Variants in PTPRD observed in about 807,000 individuals in gnomAD.
The protein encoded by PTPRD is protein tyrosine phosphatase receptor type D, also known as receptor-type tyrosine-protein phosphatase delta.
In PTPRD, 34 loss-of-function variants were observed where a neutral mutation model predicts 214.5. The ratio of observed to expected loss-of-function variants is 0.16; its 90% confidence interval spans 0.12 to 0.21. The LOEUF (loss-of-function observed/expected upper bound fraction) is 0.21. Among genes scored for constraint, PTPRD ranks in the 10% least tolerant of loss-of-function variants. The pLI is 1.00. For synonymous variants in PTPRD, 1,128 were observed against 845.7 expected, an observed-to-expected ratio of 1.33 and a Z score of -5.79; for missense variants, 2,545 against 2,398.7, an observed-to-expected ratio of 1.06 and a Z score of -1.27.
rs2094500066 is a variant in PTPRD at position 9,470,285 on chromosome 9, G to T, written c.-236-72803C>A. ...TAGATGTTTCTCATATTCACATTTG[G>T]CTGTTTCTGAAACCTACCATCTTCA... On this transcript the variant is annotated intron_variant, in intron 8 of 45. Coordinates refer to ENST00000381196, the MANE Select transcript of PTPRD (RefSeq NM_002839.4). Among the ~76,000 whole-genome samples the T allele has an allele frequency of 2.6e-5, 4 of 152,048 alleles. No homozygotes were observed. In the South Asian group the frequency reaches 8.3e-4, roughly 32 times the overall value.
chr9:9,033,137 T>C (rs887559482), intron 10 of PTPRD, among the ~76,000 whole-genome samples: 3 of 152,166 alleles, frequency 2.0e-5, no homozygotes, highest in African/African-American at 7.2e-5. Context: ...GACCTTCTTT[T>C]CTCATTTGGC....
At chr9:8,681,587 T>C (rs2097550203) in intron 12 of PTPRD, among the ~76,000 whole-genome samples, 1 of 152,108 alleles carries the variant, frequency 6.6e-6, no homozygotes, top group Admixed American at 6.6e-5. Context: ...CTAGACTGCT[T>C]AGGAGAAGCT....
At chr9:9,241,085 C>T (rs967020449) in intron 9 of PTPRD, among the ~76,000 whole-genome samples, 1 of 151,962 alleles carries the variant, frequency 6.6e-6, no homozygotes. Flanking sequence ...ACGTGCTCAT[C>T]GAGATCAAAC....
chr9:8,742,991 GAAC>G (rs1030115186), intron 11 of PTPRD, among the ~76,000 whole-genome samples: 4 of 150,568 alleles, frequency 2.7e-5, no homozygotes, highest in Admixed American at 1.3e-4. Context: ...ATAACACACA[GAAC>G]AACTACCTGC....
intron 3 of PTPRD, among the ~76,000 whole-genome samples, chr9:10,322,051 C>T (rs1208207899): frequency 1.3e-5 from 2 of 151,796 alleles, no homozygotes; most frequent in African/African-American, 4.8e-5. Context: ...AATCAAAAGA[C>T]GGAGTGAGGA....
At chr9:10,185,669 G>T (rs1419110448) in intron 3 of PTPRD, among the ~76,000 whole-genome samples, 1 of 152,078 alleles carries the variant, frequency 6.6e-6, no homozygotes, top group African/African-American at 2.4e-5. Flanking sequence ...TTAAATGTCA[G>T]TTATCTTCTG....
intron 8 of PTPRD, among the ~76,000 whole-genome samples, chr9:9,547,135 C>A (rs1459030202): frequency 2.0e-5 from 3 of 151,992 alleles, no homozygotes; most frequent in African/African-American, 7.2e-5. Flanking sequence ...CAAACTTACA[C>A]AAAAATACTT....
At chr9:9,212,344 CTG>C (rs1378355266) in intron 9 of PTPRD, among the ~76,000 whole-genome samples, 3 of 152,118 alleles carry the variant, frequency 2.0e-5, no homozygotes. Context: ...CCCTAGGCCT[CTG>C]TGATTTTTCC....
intron 3 of PTPRD, among the ~76,000 whole-genome samples, chr9:10,255,733 A>G (rs2093207759): frequency 6.6e-6 from 1 of 152,210 alleles, no homozygotes; most frequent in Admixed American, 6.5e-5. Context: ...TTAAAACATA[A>G]ACACATTGTG....
intron 5 of PTPRD, among the ~76,000 whole-genome samples, chr9:9,854,155 C>G (rs1041212794): frequency 6.6e-6 from 1 of 152,118 alleles, no homozygotes; most frequent in Non-Finnish European, 1.5e-5. Flanking sequence ...CTCTATTACT[C>G]TAACCTGCTA....
chr9:9,351,156 G>A (rs1412712015), intron 9 of PTPRD, among the ~76,000 whole-genome samples: 1 of 151,938 alleles, frequency 6.6e-6, no homozygotes, highest in Non-Finnish European at 1.5e-5. Flanking sequence ...TTCTTAGAAG[G>A]GCTGTTAACA....
chr9:10,310,513 G>A (rs1267698522), intron 3 of PTPRD, among the ~76,000 whole-genome samples: 1 of 151,962 alleles, frequency 6.6e-6, no homozygotes, highest in Non-Finnish European at 1.5e-5. Context: ...GAAAGAGGTT[G>A]ATGAGGAATG....
intron 5 of PTPRD, among the ~76,000 whole-genome samples, chr9:9,915,527 G>C (rs922419801): frequency 3.3e-5 from 5 of 151,190 alleles, no homozygotes; most frequent in African/African-American, 1.2e-4. Flanking sequence ...TAAATAAAGA[G>C]ATAGATATCA....
intron 11 of PTPRD, among the ~76,000 whole-genome samples, chr9:8,917,054 C>CT (rs61077928): frequency 0.084 from 10,591 of 125,758 alleles, 786 homozygotes; most frequent in African/African-American, 0.22. Context: ...CATTTTCTTT[C>CT]TTTTTTTTTT....
At chr9:8,736,877 T>C (rs1048901040) in intron 11 of PTPRD, among the ~76,000 whole-genome samples, 1 of 152,130 alleles carries the variant, frequency 6.6e-6, no homozygotes, top group African/African-American at 2.4e-5. Flanking sequence ...CAAAAGTTCA[T>C]TGGAAAAGTG....
At chr9:9,995,007 T>C (rs1321972867) in intron 4 of PTPRD, among the ~76,000 whole-genome samples, 1 of 152,150 alleles carries the variant, frequency 6.6e-6, no homozygotes, top group Non-Finnish European at 1.5e-5. Context: ...CATTTACATA[T>C]ATAAGCAAAA....
intron 14 of PTPRD, among the ~76,000 whole-genome samples, chr9:8,554,105 T>A (rs949226717): frequency 6.6e-6 from 1 of 152,086 alleles, no homozygotes; most frequent in Non-Finnish European, 1.5e-5. Flanking sequence ...GTAGAATCAC[T>A]TGAACCCAGG....
intron 19 of PTPRD, 109 bp from the exon 20 acceptor site, chr9:8,521,655 G>A: frequency 7.8e-7 from 1 of 1,286,266 alleles, no homozygotes; most frequent in Non-Finnish European, 1.1e-6. Context: ...GAAACATTGT[G>A]GATTGTCCAA....
Position 8,776,753 on chromosome 9 carries a change from AT to A in PTPRD, c.-103-42808del, listed in dbSNP as rs989084053. On this transcript the variant is annotated intron_variant, in intron 11 of 45. Transcript: ENST00000381196. ...GACATTTAAATTTTTAGAATAGGCT[AT>A]TTTTTTTTTGAAGTCCTACCCTTTA... Among the ~76,000 whole-genome samples, 655 of 146,188 alleles carry A rather than the reference AT, an allele frequency of 4.5e-3. 7 individuals are homozygous for A. The highest frequency in any genetic ancestry group is 0.01 in the African/African-American group (406 of 40,170).
Sources: gnomAD v4.1 joint callset for allele counts (sites outside exome capture counted in the v4.1 genomes callset) on GRCh38, gnomAD v4.1.1 for gene constraint, MANE v1.5 for transcripts, NCBI Gene and HGNC (gene_info 2026-07-23, HGNC 2026-07-21) for gene names.